SH3D21: variants seen among roughly 807,000 people sequenced by gnomAD.
SH3D21 encodes the protein manchette microtubule inner protein 1.
In SH3D21, 83 loss-of-function variants were observed where a neutral mutation model predicts 82.1. That is an observed-to-expected ratio of 1.01 (90% confidence interval 0.85 to 1.21). The LOEUF (loss-of-function observed/expected upper bound fraction) is 1.21. Ranked by LOEUF, SH3D21 falls within the 50% of genes most tolerant of loss-of-function variation. SH3D21 has a pLI of 0.00. For synonymous variants in SH3D21, 383 were observed against 387.8 expected, an observed-to-expected ratio of 0.99 and a Z score of 0.15; for missense variants, 980 against 962.1, an observed-to-expected ratio of 1.02 and a Z score of -0.25.
In SH3D21 at chr1:36,306,863, G is replaced by A. The variant is rs957669462; in HGVS notation, c.184G>A (p.Gly62Ser). 1.7e-5 allele frequency: 22 copies of A among 1,298,506 alleles called. No individual in the cohort carries two copies. Among genetic ancestry groups the A allele is most frequent in the Non-Finnish European group, 2.0e-5 (20 of 993,508 alleles). The allele number at this position is 1,298,506 out of a possible 1,614,324, so 80.4% of individuals were successfully genotyped here. The change falls in exon 3 of 16, where the codon GGC (glycine) becomes AGC (serine). Residue 62 changes from glycine to serine, a missense_variant. Coordinates refer to ENST00000453908, the MANE Select transcript of SH3D21 (RefSeq NM_001162530.2). This position sits in a 1 kb window ranked among gnomAD's most constrained non-coding sequence, Gnocchi z 4.5. ...LVQEIPETLRGSGEARRPRCA... is the reference protein window; with the variant it reads ...LVQEIPETLRSSGEARRPRCA... ...CCAGGAGATCCCAGAGACCCTGCGG[G>A]GCTCCGGAGAGGCGCGGAGGCCGCG...
At chr1:36,309,893 A>G (rs1646203826) in intron 10 of SH3D21, among the ~76,000 whole-genome samples, 1 of 152,084 alleles carries the variant, frequency 6.6e-6, no homozygotes, top group Non-Finnish European at 1.5e-5. Context: ...GTGTATGTTC[A>G]TGTGTCTTAT....
At chr1:36,322,910 G>A, downstream of SH3D21, 1 of 1,585,032 alleles carries the variant, frequency 6.3e-7, no homozygotes, top group Non-Finnish European at 8.6e-7. Context: ...GCGCTGGGGA[G>A]GGAAGGGGAT....
chr1:36,323,092 C>T (rs1646496191), downstream of SH3D21: 2 of 1,572,108 alleles, frequency 1.3e-6, no homozygotes, highest in Middle Eastern at 1.7e-4. Context: ...AAGTCAGATC[C>T]TTCTCCCAGC....
chr1:36,321,138 G>T lies in SH3D21; in HGVS notation c.*11G>T. On this transcript the variant is annotated 3_prime_UTR_variant, in exon 16 of 16. Coordinates refer to ENST00000453908, the MANE Select transcript of SH3D21 (RefSeq NM_001162530.2). This position sits in a 1 kb window ranked among gnomAD's most constrained non-coding sequence, Gnocchi z 6.1. ...ACGCAGACCTACTGAGGGTGGGCCT[G>T]GGAAGGGACCGCGGCCTGACCTGGC... 6.2e-7 allele frequency: 1 copy of T among 1,609,000 alleles called. No individual in the cohort carries two copies. Among genetic ancestry groups the T allele is most frequent in the East Asian group, 2.2e-5 (1 of 44,696 alleles).
chr1:36,315,511 G>A (rs1185427438), intron 10 of SH3D21, among the ~76,000 whole-genome samples: 4 of 151,858 alleles, frequency 2.6e-5, no homozygotes, highest in African/African-American at 7.3e-5. Flanking sequence ...CATCATGCCC[G>A]GCTAATTTTT....
At chr1:36,311,338 T>A (rs1423529482) in intron 10 of SH3D21, among the ~76,000 whole-genome samples, 1 of 152,188 alleles carries the variant, frequency 6.6e-6, no homozygotes, top group Admixed American at 6.5e-5. Context: ...CCTCCCGGGT[T>A]CACGCCATTC....
chr1:36,323,779 G>C (rs1646511046), downstream of SH3D21: 1 of 152,254 alleles, frequency 6.6e-6, no homozygotes, highest in Admixed American at 6.5e-5. Flanking sequence ...GGAAACCGCC[G>C]GGGAGGCCGC....
In SH3D21 at chr1:36,319,855, A is replaced by G; in HGVS notation, c.1192A>G (p.Ile398Val). 6.2e-7 allele frequency: 1 copy of G among 1,613,864 alleles called. No individual in the cohort carries two copies. The highest frequency in any genetic ancestry group is 8.5e-7 in the Non-Finnish European group (1 of 1,179,926). Reference protein sequence around the residue: ...KTLTLGDKASIPGNSTSGKIP... With the variant: ...KTLTLGDKASVPGNSTSGKIP... The stretch of plus-strand genomic sequence containing the variant: ...CCTCACTCTAGGGGACAAGGCCTCT[A>G]TCCCAGGGAACTCCACCTCGGGGAA... The change falls in exon 14 of 16, where the codon ATC becomes GTC. Residue 398 changes from isoleucine to valine, a missense_variant. By Grantham distance (29) the Ile-to-Val change is conservative (BLOSUM62 3). Transcript: ENST00000453908.
chr1:36,313,082 T>G (rs1294323272), intron 10 of SH3D21, among the ~76,000 whole-genome samples: 2 of 151,938 alleles, frequency 1.3e-5, no homozygotes, highest in African/African-American at 4.8e-5. Context: ...CCCAGCACTT[T>G]GGGAGGCTGA....
chr1:36,326,233 T>C (rs1385058547), downstream of SH3D21, among the ~76,000 whole-genome samples: 13 of 46,052 alleles, frequency 2.8e-4, no homozygotes, highest in African/African-American at 5.8e-4. Context: ...TTTCTTTCTT[T>C]CTTTTTTTTT....
downstream of SH3D21, among the ~76,000 whole-genome samples, chr1:36,326,237 T>TC (rs60244961): frequency 9.6e-5 from 13 of 135,090 alleles, no homozygotes; most frequent in African/African-American, 2.3e-4. Context: ...TTTCTTTCTT[T>TC]TTTTTTTTTT....
downstream of SH3D21, among the ~76,000 whole-genome samples, chr1:36,325,328 G>A (rs551502715): frequency 1.4e-4 from 22 of 152,140 alleles, no homozygotes; most frequent in Non-Finnish European, 2.2e-4. Context: ...CATCATGCCG[G>A]CCAATAGTGT....
chr1:36,320,053 A>G lies in SH3D21; in HGVS notation c.1390A>G (p.Met464Val), dbSNP rs1646419547. Reference protein sequence around the residue: ...EESPALEAPPMDKVPNPKMAP... With the variant: ...EESPALEAPPVDKVPNPKMAP... ...GTCCCCTGCCCTAGAAGCCCCACCT[A>G]TGGATAAAGTCCCTAATCCAAAGAT... The change falls in exon 14 of 16, where the codon ATG (methionine) becomes GTG (valine). Residue 464 changes from methionine (M) to valine (V), a missense_variant. Coordinates refer to ENST00000453908, the MANE Select transcript of SH3D21 (RefSeq NM_001162530.2). 2 of 1,613,702 alleles carry G rather than the reference A, an allele frequency of 1.2e-6. No homozygotes were observed. The highest frequency in any genetic ancestry group is 1.7e-6 in the Non-Finnish European group (2 of 1,179,930).
At position 36,321,174 on chromosome 1, in the gene SH3D21, C is replaced by G; in HGVS notation, c.*47C>G. 1 of 1,587,568 alleles carries G rather than the reference C, an allele frequency of 6.3e-7. No homozygotes were observed. The highest frequency in any genetic ancestry group is 8.6e-7 in the Non-Finnish European group (1 of 1,167,262). ...GCGGCCTGACCTGGCTGGGGCCACC[C>G]ACGTCCTTGCACACGACTTTGGGAA... is the stretch of plus-strand genomic sequence containing the variant. On this transcript the variant is annotated 3_prime_UTR_variant, in exon 16 of 16. Transcript: ENST00000453908. The surrounding 1 kb of genome is among the most constrained non-coding windows in gnomAD (Gnocchi z 6.1).
intron 10 of SH3D21, among the ~76,000 whole-genome samples, chr1:36,317,350 C>T (rs1433547452): frequency 1.3e-5 from 2 of 152,198 alleles, no homozygotes; most frequent in South Asian, 2.1e-4. Context: ...TCCATGCCCC[C>T]AACCACTGTC....
At chr1:36,322,248 G>A (rs1261907565), downstream of SH3D21, 2 of 1,448,180 alleles carry the variant, frequency 1.4e-6, no homozygotes, top group Admixed American at 5.1e-5. Context: ...CTGAGCTCAT[G>A]TGCAGGTCCG....
Position 36,309,584 on chromosome 1 carries a change from G to GA in SH3D21, c.765dup (p.Ser256IlefsTer5). 1 of 1,551,642 alleles carries GA rather than the reference G, an allele frequency of 6.4e-7. No individual in the cohort carries two copies. Among genetic ancestry groups the GA allele is most frequent in the Non-Finnish European group, 8.7e-7 (1 of 1,146,948 alleles). Reference sequence around the variant, plus strand: ...GGTCCCACGGAAAGTGGTATCTCGGGAATCAGGTGAGTGCCCGGGGAGCCT... The same window carrying GA: ...GGTCCCACGGAAAGTGGTATCTCGGGAAATCAGGTGAGTGCCCGGGGAGCCT... On this transcript the variant is annotated frameshift_variant, in exon 10 of 16. Coordinates refer to ENST00000453908, the MANE Select transcript of SH3D21 (RefSeq NM_001162530.2). LOFTEE classifies it high-confidence loss of function.
chr1:36,306,940 G>A lies in SH3D21; in HGVS notation c.226+35G>A, dbSNP rs772038214. 6 of 1,337,744 alleles carry A rather than the reference G, an allele frequency of 4.5e-6. No homozygotes were observed. Among genetic ancestry groups the A allele is most frequent in the Non-Finnish European group, 5.8e-6 (6 of 1,032,054 alleles). The allele number at this position is 1,337,744 out of a possible 1,614,324, so 82.9% of individuals were successfully genotyped here. ...AGGGCGGGGACGGGCGCCGGTGGGC[G>A]GGTGCACGGAGCCAGTGCGACCCCG... On this transcript the variant is annotated intron_variant, in intron 3 of 15. Coordinates refer to ENST00000453908, the MANE Select transcript of SH3D21 (RefSeq NM_001162530.2). This position sits in a 1 kb window ranked among gnomAD's most constrained non-coding sequence, Gnocchi z 4.5.
chr1:36,312,823 G>A (rs1229359485), intron 10 of SH3D21, among the ~76,000 whole-genome samples: 1 of 152,154 alleles, frequency 6.6e-6, no homozygotes, highest in Non-Finnish European at 1.5e-5. Context: ...CAATTCTCCT[G>A]CTGCAGCCTC....
Sources: allele counts gnomAD v4.1 joint callset (sites outside exome capture counted in the v4.1 genomes callset), GRCh38; gene constraint gnomAD v4.1.1; non-coding constraint Gnocchi (gnomAD v3.1); transcripts MANE v1.5; gene names NCBI Gene and HGNC (gene_info 2026-07-23, HGNC 2026-07-21).